Variants in SPATA32 observed in about 807,000 individuals in gnomAD.
The protein encoded by SPATA32 is spermatogenesis associated 32.
Under a neutral mutation model 35.4 loss-of-function variants are expected in SPATA32, and 28 were observed. The observed-to-expected ratio is 0.79, with a 90% CI of 0.59 to 1.09. SPATA32 has a LOEUF of 1.09. Ranked by LOEUF, SPATA32 falls within the 50% of genes least tolerant of loss-of-function variation. The pLI, the probability that SPATA32 is intolerant of heterozygous loss-of-function variation, is 0.00. For synonymous variants in SPATA32, 168 were observed against 196.3 expected (o/e 0.86, Z 1.20); for missense variants, 409 against 475.9 (o/e 0.86, Z 1.31).
chr17:45,262,065 G>T lies in SPATA32; in HGVS notation c.-49C>A. ...GGCGGGGAGCGGGCTGGTGGATGCTGCCTCTCCGCCTCCAGTGTGCTCTTT... is the reference window on the plus strand; with the variant it reads ...GGCGGGGAGCGGGCTGGTGGATGCTTCCTCTCCGCCTCCAGTGTGCTCTTT... On this transcript the variant is annotated 5_prime_UTR_variant, in exon 1 of 5. Transcript: ENST00000331780. The T allele has an allele frequency of 7.6e-7, 1 of 1,310,458 alleles. No individual in the cohort carries two copies. 81.2% of individuals were successfully genotyped at this position (1,310,458 alleles called of 1,614,324 possible).
At chr17:45,261,498 G>C (rs2044007889) in intron 1 of SPATA32, among the ~76,000 whole-genome samples, 1 of 152,192 alleles carries the variant, frequency 6.6e-6, no homozygotes, top group Non-Finnish European at 1.5e-5. Flanking sequence ...GGGAGACACA[G>C]GGCACTGGGG....
chr17:45,259,085 T>G (rs1477932703), intron 1 of SPATA32, among the ~76,000 whole-genome samples: 1 of 152,172 alleles, frequency 6.6e-6, no homozygotes, highest in Non-Finnish European at 1.5e-5. Flanking sequence ...CAATAATGTG[T>G]GTGAGTCAAG....
rs564368735 is a variant in SPATA32 at position 45,256,977 on chromosome 17, G to A, written c.68+176C>T. Among the ~76,000 whole-genome samples, 22 of 152,330 alleles carry A rather than the reference G, an allele frequency of 1.4e-4. No homozygotes were observed. Among genetic ancestry groups the A allele is most frequent in the African/African-American group, 5.3e-4 (22 of 41,560 alleles). ...GGGCTGAGGGCATAAACAGAAGTGG[G>A]AGGATAGGCGCCCCACGCCCTCCCC... On this transcript the variant is annotated intron_variant, in intron 2 of 4. Transcript: ENST00000331780. The surrounding 1 kb of genome is among the most constrained non-coding windows in gnomAD (Gnocchi z 4.7).
intron 1 of SPATA32, among the ~76,000 whole-genome samples, 153 bp from the exon 2 acceptor site, chr17:45,257,360 G>A (rs1222969118): frequency 6.6e-6 from 1 of 152,002 alleles, no homozygotes; most frequent in African/African-American, 2.4e-5. Context: ...TTGTTCCCGA[G>A]CCGGTCGCCA....
At position 45,255,708 on chromosome 17, in the gene SPATA32, G is replaced by A. The variant is rs2065638232; in HGVS notation, c.474C>T (p.Phe158=). ...SISAQTSKHL[F]WANKLIQASE... ...AGGCCTGGATGAGCTTGTTTGCCCA[G>A]AAGAGGTGCTTGGAGGTCTGCGCAC... Residue 158 remains phenylalanine, a synonymous_variant, in exon 4 of 5, where the codon TTC becomes TTT. Transcript: ENST00000331780. The surrounding 1 kb of genome is among the most constrained non-coding windows in gnomAD (Gnocchi z 5.4). The A allele has an allele frequency of 6.2e-6, 10 of 1,614,128 alleles. No homozygotes were observed. The highest frequency in any genetic ancestry group is 8.5e-6 in the Non-Finnish European group (10 of 1,180,046).
Position 45,254,530 on chromosome 17 carries a change from A to G in SPATA32, c.1068-17T>C. The G allele has an allele frequency of 1.2e-6, 2 of 1,613,456 alleles. No individual in the cohort carries two copies. The highest frequency in any genetic ancestry group is 1.7e-6 in the Non-Finnish European group (2 of 1,179,530). ...GGCACTGAGCTGCAACACAAAAGAG[A>G]GAGTGTCACTTGGGCCCCAGAGGGT... On this transcript the variant is annotated splice_polypyrimidine_tract_variant and intron_variant, in intron 4 of 4. Coordinates refer to ENST00000331780, the MANE Select transcript of SPATA32 (RefSeq NM_152343.3).
At chr17:45,261,369 A>G (rs1232906867) in intron 1 of SPATA32, among the ~76,000 whole-genome samples, 2 of 152,130 alleles carry the variant, frequency 1.3e-5, no homozygotes, top group African/African-American at 4.8e-5. Context: ...GCAGGCGTTG[A>G]GCCATCATGC....
chr17:45,261,797 C>T, intron 1 of SPATA32: 1 of 453,144 alleles, frequency 2.2e-6, no homozygotes, highest in Non-Finnish European at 3.6e-6. Flanking sequence ...GTGTGCACCG[C>T]GCAGGGGCTG....
intron 1 of SPATA32, among the ~76,000 whole-genome samples, chr17:45,261,345 G>A (rs1007876964): frequency 8.5e-5 from 13 of 152,068 alleles, no homozygotes; most frequent in African/African-American, 4.8e-5. Context: ...TCTGCCTCCC[G>A]AAGTGTTGGG....
intron 1 of SPATA32, among the ~76,000 whole-genome samples, chr17:45,258,553 A>G (rs1033937233): frequency 1.3e-5 from 2 of 152,222 alleles, no homozygotes; most frequent in Non-Finnish European, 1.5e-5. Flanking sequence ...AAAGTCAGAC[A>G]TTGACTCAGC....
chr17:45,254,444 G>T lies in SPATA32; in HGVS notation c.1137C>A (p.Pro379=). The T allele has an allele frequency of 1.2e-6, 2 of 1,614,138 alleles. No individual in the cohort carries two copies. Among genetic ancestry groups the T allele is most frequent in the Non-Finnish European group, 1.7e-6 (2 of 1,179,976 alleles). The change falls in exon 5 of 5, where the codon CCC becomes CCA. Residue 379 remains proline, a synonymous_variant. Coordinates refer to ENST00000331780, the MANE Select transcript of SPATA32 (RefSeq NM_152343.3). The part of the protein sequence containing the change: ...LVKIHFKLSA[P]TIPEK The stretch of plus-strand genomic sequence containing the variant: ...TGTCTAGTCATTTCTCTGGGATTGT[G>T]GGGGCTGACAGCTTAAAATGGATTT...
chr17:45,260,577 C>G (rs991627560), intron 1 of SPATA32: 1 of 152,256 alleles, frequency 6.6e-6, no homozygotes, highest in African/African-American at 2.4e-5. Context: ...GGCCACGGCT[C>G]TCCTCTCACA....
rs746163532 is a variant in SPATA32, at chr17:45,255,218, A to G, written c.964T>C (p.Phe322Leu). ...QEDKNFAQSY[F>L]DFSKPGIKRA... ...TTGATCCCCGGCTTGCTGAAGTCAA[A>G]GTAAGATTGAGCGAAGTTCTTGTCT... Residue 322 changes from phenylalanine (F) to leucine (L), a missense_variant, in exon 4 of 5, where the codon TTT (phenylalanine) becomes CTT (leucine). Transcript: ENST00000331780. This position sits in a 1 kb window ranked among gnomAD's most constrained non-coding sequence, Gnocchi z 5.4. 18 of 1,614,050 alleles carry G rather than the reference A, an allele frequency of 1.1e-5. No individual in the cohort carries two copies. The highest frequency in any genetic ancestry group is 1.4e-5 in the Non-Finnish European group (17 of 1,180,032).
Position 45,255,001 on chromosome 17 carries a change from T to C in SPATA32, c.1067+114A>G, listed in dbSNP as rs2043942063. 1 of 1,029,170 alleles carries C rather than the reference T, an allele frequency of 9.7e-7. No homozygotes were observed. Among genetic ancestry groups the C allele is most frequent in the South Asian group, 1.5e-5 (1 of 64,734 alleles). 63.8% of individuals were successfully genotyped at this position (1,029,170 alleles called of 1,614,324 possible). A position where few individuals can be genotyped will look rare whatever the true frequency, so the allele number is the denominator to read the frequency against. On this transcript the variant is annotated intron_variant, in intron 4 of 4. Transcript: ENST00000331780. This position sits in a 1 kb window ranked among gnomAD's most constrained non-coding sequence, Gnocchi z 5.4. ...GGTGGAGGCGTCACAGCCCACCACA[T>C]CCTGCTCCCAGGCCCTCATTCCACT...
chr17:45,255,855 T>C lies in SPATA32; in HGVS notation c.327A>G (p.Ile109Met). 2.5e-6 allele frequency: 4 copies of C among 1,614,172 alleles called. No individual in the cohort carries two copies. Among genetic ancestry groups the C allele is most frequent in the South Asian group, 1.1e-5 (1 of 91,090 alleles). ...GCCCCATGTTGGAGTGGACGGACTCTATCTTGCATACCAGCTGCATGGGTT... is the reference window on the plus strand; with the variant it reads ...GCCCCATGTTGGAGTGGACGGACTCCATCTTGCATACCAGCTGCATGGGTT... Reference protein sequence around the residue: ...FEEPMQLVCKIESVHSNMGLP... With the variant: ...FEEPMQLVCKMESVHSNMGLP... Residue 109 changes from isoleucine to methionine, a missense_variant, in exon 4 of 5, where the codon ATA (isoleucine) becomes ATG (methionine). Physicochemically the swap from Ile to Met is conservative, Grantham distance 10. Transcript: ENST00000331780. The surrounding 1 kb of genome is among the most constrained non-coding windows in gnomAD (Gnocchi z 5.4).
chr17:45,255,894 C>G lies in SPATA32; in HGVS notation c.288G>C (p.Glu96Asp). 1.2e-6 allele frequency: 2 copies of G among 1,614,166 alleles called. No homozygotes were observed. The change falls in exon 4 of 5, where the codon GAG (glutamate) becomes GAC (aspartate). Residue 96 changes from glutamate (E) to aspartate (D), a missense_variant. Physicochemically the swap from Glu to Asp is conservative, Grantham distance 45. Coordinates refer to ENST00000331780, the MANE Select transcript of SPATA32 (RefSeq NM_152343.3). This position sits in a 1 kb window ranked among gnomAD's most constrained non-coding sequence, Gnocchi z 5.4. ...ELDTEANSNE[E>D]SDFEEPMQLV... ...GCTGCATGGGTTCTTCAAAGTCAGA[C>G]TCCTCGTTCGAGTTGGCTTCCGTGT...
chr17:45,255,439 A>G lies in SPATA32; in HGVS notation c.743T>C (p.Leu248Pro). Residue 248 changes from leucine (L) to proline (P), a missense_variant, in exon 4 of 5, where the codon CTG becomes CCG. Coordinates refer to ENST00000331780, the MANE Select transcript of SPATA32 (RefSeq NM_152343.3). This position sits in a 1 kb window ranked among gnomAD's most constrained non-coding sequence, Gnocchi z 5.4. The stretch of plus-strand genomic sequence containing the variant: ...CATCCTGCTGGAGGAGGCCATGGCC[A>G]GGGAAGATGCAAAGGTGATTAGCTC... ...LTELITFASS[L>P]AMASSSRMDL... The G allele has an allele frequency of 2.5e-6, 4 of 1,614,150 alleles. No homozygotes were observed. The South Asian group carries it at 4.4e-5, about 18-fold the overall frequency.
intron 1 of SPATA32, among the ~76,000 whole-genome samples, chr17:45,259,704 G>A (rs144904668): frequency 0.012 from 1,778 of 152,126 alleles, 39 homozygotes; most frequent in African/African-American, 0.04. Flanking sequence ...ATTTTTTGTA[G>A]AGATGGGTCT....
At position 45,255,305 on chromosome 17, in the gene SPATA32, C is replaced by A. The variant is rs781720235; in HGVS notation, c.877G>T (p.Ala293Ser). 6.2e-7 allele frequency: 1 copy of A among 1,614,174 alleles called. No individual in the cohort carries two copies. Among genetic ancestry groups the A allele is most frequent in the Non-Finnish European group, 8.5e-7 (1 of 1,180,024 alleles). ...TVEEREPENH[A>S]ETLPEKPREA... ...CGTGGTTTCTCTGGCAGGGTCTCTG[C>A]GTGATTTTCTGGCTCTCGCTCCTCC... The change falls in exon 4 of 5, where the codon GCA becomes TCA. Residue 293 changes from alanine to serine, a missense_variant. Ala to Ser is a moderately conservative substitution (Grantham distance 99). Coordinates refer to ENST00000331780, the MANE Select transcript of SPATA32 (RefSeq NM_152343.3). The surrounding 1 kb of genome is among the most constrained non-coding windows in gnomAD (Gnocchi z 5.4).
Sources: allele counts gnomAD v4.1 joint callset (sites outside exome capture counted in the v4.1 genomes callset), GRCh38; gene constraint gnomAD v4.1.1; non-coding constraint Gnocchi (gnomAD v3.1); transcripts MANE v1.5; gene names NCBI Gene and HGNC (gene_info 2026-07-23, HGNC 2026-07-21).